RIT1: variants seen among roughly 807,000 people sequenced by gnomAD.
RIT1 encodes the protein Ras like without CAAX 1.
A neutral mutation model predicts 25.6 loss-of-function variants in RIT1; 6 were observed. That is an observed-to-expected ratio of 0.23 (90% CI 0.13 to 0.46). The LOEUF is 0.46. RIT1 is among the 20% of genes least tolerant of loss of function. RIT1 has a pLI of 0.99. For synonymous variants in RIT1, 81 were observed against 94.1 expected (o/e 0.86, Z 0.80); for missense variants, 219 against 284.4 (o/e 0.77, Z 1.65).
chr1:155,900,425 T>G lies in RIT1; in HGVS notation c.623A>C (p.Lys208Thr). The G allele has an allele frequency of 6.2e-7, 1 of 1,614,196 alleles. No homozygotes were observed. Among genetic ancestry groups the G allele is most frequent in the South Asian group, 1.1e-5 (1 of 91,072 alleles). The change falls in exon 6 of 6, where the codon AAA (lysine) becomes ACA (threonine). Residue 208 changes from lysine (K) to threonine (T), a missense_variant. Physicochemically the swap from Lys to Thr is moderately conservative, Grantham distance 78 (BLOSUM62 -1). Coordinates refer to ENST00000368323, the MANE Select transcript of RIT1 (RefSeq NM_006912.6). ...ATCTTTCTTCTTCCGGAATGGTGAT[T>G]TTAGCCTCTTCCATACACTGTTTTT... is the stretch of plus-strand genomic sequence containing the variant. ...KPKNSVWKRLKSPFRKKKDSV... is the reference protein window; with the variant it reads ...KPKNSVWKRLTSPFRKKKDSV...
At chr1:155,904,274 A>G (rs768732106) in intron 5 of RIT1, 37 bp downstream of exon 5, 18 of 1,417,988 alleles carry the variant, frequency 1.3e-5, no homozygotes, top group South Asian at 3.6e-5. Flanking sequence ...GACTAATTGT[A>G]TAAGATTATA....
intron 5 of RIT1, among the ~76,000 whole-genome samples, chr1:155,903,779 C>T (rs1673368704): frequency 6.6e-6 from 1 of 152,198 alleles, no homozygotes; most frequent in Non-Finnish European, 1.5e-5. Flanking sequence ...GAGGCCAAGG[C>T]AGGAGGATCA....
chr1:155,911,010 C>T, intron 1 of RIT1: 1 of 1,122,434 alleles, frequency 8.9e-7, no homozygotes, highest in Non-Finnish European at 1.3e-6. Flanking sequence ...TCACATGACA[C>T]ATCACAGGTT....
At chr1:155,904,546 C>A in intron 4 of RIT1, 44 bp from the exon 5 acceptor site, 1 of 1,508,958 alleles carries the variant, frequency 6.6e-7, no homozygotes, top group Non-Finnish European at 9.2e-7. Flanking sequence ...CAATCTAGCC[C>A]AACTACACAC....
rs1673595545 is a variant in RIT1, at chr1:155,911,267, C to A, written c.-68G>T. The A allele has an allele frequency of 3.1e-6, 1 of 318,126 alleles. No homozygotes were observed. The highest frequency in any genetic ancestry group is 2.2e-5 in the African/African-American group (1 of 45,466). The allele number at this position is 318,126 out of a possible 1,614,324, so 19.7% of individuals were successfully genotyped here. ...CCTCACAAGCCGACGCCCTGCTGCT[C>A]CTACTGGTCAGTGGGGACTGGAACA... On this transcript the variant is annotated 5_prime_UTR_variant, in exon 1 of 6. Coordinates refer to ENST00000368323, the MANE Select transcript of RIT1 (RefSeq NM_006912.6).
chr1:155,903,950 C>CAGTA (rs1673373113), intron 5 of RIT1, among the ~76,000 whole-genome samples: 1 of 152,208 alleles, frequency 6.6e-6, no homozygotes. Context: ...GTAGAGGCTG[C>CAGTA]AGTAAGCTGT....
chr1:155,903,310 G>A (rs1202694692), intron 5 of RIT1, among the ~76,000 whole-genome samples: 5 of 151,326 alleles, frequency 3.3e-5, no homozygotes, highest in African/African-American at 9.7e-5. Context: ...AAAATTAGCC[G>A]GGCGTGGTGG....
At chr1:155,910,883 C>T (rs1673583058) in intron 1 of RIT1, 79 bp from the exon 2 acceptor site, 2 of 1,578,968 alleles carry the variant, frequency 1.3e-6, no homozygotes, top group Non-Finnish European at 8.6e-7. Flanking sequence ...CTTACCTTTC[C>T]ATACATATTC....
chr1:155,910,490 G>T lies in RIT1; in HGVS notation c.123C>A (p.Phe41Leu). Reference sequence around the variant, plus strand: ...GATCTTCTGGGAATCGGTGGCTGATGAACTGCATGGTCATGGCTTCAAAAG... The same window carrying T: ...GATCTTCTGGGAATCGGTGGCTGATTAACTGCATGGTCATGGCTTCAAAAG... Reference protein sequence around the residue: ...GVGKSAMTMQFISHRFPEDHD... With the variant: ...GVGKSAMTMQLISHRFPEDHD... The change falls in exon 3 of 6, where the codon TTC becomes TTA. Residue 41 changes from phenylalanine (F) to leucine (L), a missense_variant. Transcript: ENST00000368323. 1 of 1,614,158 alleles carries T rather than the reference G, an allele frequency of 6.2e-7. No homozygotes were observed. Among genetic ancestry groups the T allele is most frequent in the East Asian group, 2.2e-5 (1 of 44,888 alleles).
rs1387227724 is a variant in RIT1, at chr1:155,898,533, A to ATG, written c.*1854_*1855insCA. On this transcript the variant is annotated 3_prime_UTR_variant, in exon 6 of 6. Transcript: ENST00000368323. ...AAAAAAAAAAAATATATATATATAT[A>ATG]TATATATATATCTCTTAATGTTAAT... The ATG allele has an allele frequency of 6.3e-5, 8 of 126,758 alleles. No homozygotes were observed. Among genetic ancestry groups the ATG allele is most frequent in the African/African-American group, 2.3e-4 (8 of 34,418 alleles). 7.9% of individuals were successfully genotyped at this position (126,758 alleles called of 1,614,324 possible).
intron 3 of RIT1, 199 bp downstream of exon 3, chr1:155,910,251 A>T: frequency 3.4e-6 from 2 of 581,732 alleles, no homozygotes; most frequent in Non-Finnish European, 3.0e-6. Flanking sequence ...AGAGACAAAG[A>T]CTAAAGATGG....
intron 3 of RIT1, among the ~76,000 whole-genome samples, chr1:155,909,498 T>C (rs1203033778): frequency 6.6e-6 from 1 of 152,212 alleles, no homozygotes; most frequent in East Asian, 1.9e-4. Context: ...CCTGCTTCCT[T>C]ATGGTTTAGG....
At chr1:155,901,605 T>G (rs1247985654) in intron 5 of RIT1, among the ~76,000 whole-genome samples, 1 of 152,002 alleles carries the variant, frequency 6.6e-6, no homozygotes, top group African/African-American at 2.4e-5. Flanking sequence ...GGCACTGCAC[T>G]CCAGGTGTCA....
chr1:155,898,541 A>ATATATATATATATATATATATC lies in RIT1; in HGVS notation c.*1846_*1847insGATATATATATATATATATATA, dbSNP rs543706593. ...AAAATATATATATATATATATATAT[A>ATATATATATATATATATATATC]TATCTCTTAATGTTAATAACAATTC... On this transcript the variant is annotated 3_prime_UTR_variant, in exon 6 of 6. Transcript: ENST00000368323. 13 of 117,332 alleles carry ATATATATATATATATATATATC rather than the reference A, an allele frequency of 1.1e-4. No individual in the cohort carries two copies. The highest frequency in any genetic ancestry group is 3.5e-4 in the African/African-American group (11 of 31,508). 7.3% of individuals were successfully genotyped at this position (117,332 alleles called of 1,614,324 possible). A position where few individuals can be genotyped will look rare whatever the true frequency, so the allele number is the denominator to read the frequency against.
At chr1:155,903,516 T>C (rs894100226) in intron 5 of RIT1, among the ~76,000 whole-genome samples, 1 of 148,826 alleles carries the variant, frequency 6.7e-6, no homozygotes, top group South Asian at 2.2e-4. Context: ...ATGCTTACAC[T>C]AAAATATTGA....
Position 155,898,541 on chromosome 1 carries a change from A to ATATCTATC in RIT1, c.*1846_*1847insGATAGATA, listed in dbSNP as rs371801115. 9.4e-5 allele frequency: 11 copies of ATATCTATC among 117,338 alleles called. No individual in the cohort carries two copies. The highest frequency in any genetic ancestry group is 1.9e-4 in the Non-Finnish European group (11 of 58,206). 7.3% of individuals were successfully genotyped at this position (117,338 alleles called of 1,614,324 possible). On this transcript the variant is annotated 3_prime_UTR_variant, in exon 6 of 6. Coordinates refer to ENST00000368323, the MANE Select transcript of RIT1 (RefSeq NM_006912.6). ...AAAATATATATATATATATATATAT[A>ATATCTATC]TATCTCTTAATGTTAATAACAATTC...
chr1:155,910,969 C>CCA (rs1557963010), intron 1 of RIT1, 165 bp from the exon 2 acceptor site: 4 of 1,510,606 alleles, frequency 2.6e-6, no homozygotes, highest in African/African-American at 1.4e-5. Flanking sequence ...AGAAACCCCC[C>CCA]CATCTTCACC....
rs2102577922 is a variant in RIT1, at chr1:155,898,020, TG to T, written c.*2367del. On this transcript the variant is annotated 3_prime_UTR_variant, in exon 6 of 6. Transcript: ENST00000368323. ...ATAATTTACCGGTCTGGTATGGACA[TG>T]AACAGTTCCAGTGCCTTTCAACTTA... is the stretch of plus-strand genomic sequence containing the variant. 1 of 152,468 alleles carries T rather than the reference TG, an allele frequency of 6.6e-6. No individual in the cohort carries two copies. The highest frequency in any genetic ancestry group is 2.4e-5 in the African/African-American group (1 of 41,574). 9.4% of individuals were successfully genotyped at this position (152,468 alleles called of 1,614,324 possible).
At chr1:155,901,481 A>T (rs946216822) in intron 5 of RIT1, among the ~76,000 whole-genome samples, 3 of 151,678 alleles carry the variant, frequency 2.0e-5, no homozygotes, top group African/African-American at 7.3e-5. Flanking sequence ...GTCTCCACTT[A>T]AAAAAAACTA....
Sources: allele counts gnomAD v4.1 joint callset (sites outside exome capture counted in the v4.1 genomes callset), GRCh38; gene constraint gnomAD v4.1.1; transcripts MANE v1.5; gene names NCBI Gene and HGNC (gene_info 2026-07-23, HGNC 2026-07-21).